Variants in COX7A2 observed in about 807,000 individuals in gnomAD.
The protein encoded by COX7A2 is cytochrome c oxidase subunit 7A2.
Under a neutral mutation model 11.6 loss-of-function variants are expected in COX7A2, and 11 were observed. The ratio of observed to expected loss-of-function variants is 0.95; its 90% CI spans 0.60 to 1.57. The LOEUF (loss-of-function observed/expected upper bound fraction) is 1.57. COX7A2 is among the 40% of genes most tolerant of loss of function. COX7A2 has a pLI of 0.00. For synonymous variants in COX7A2, 30 were observed against 38.2 expected, an observed-to-expected ratio of 0.78 and a Z score of 0.79; for missense variants, 106 against 100.9, an observed-to-expected ratio of 1.05 and a Z score of -0.22.
intron 3 of COX7A2, among the ~76,000 whole-genome samples, chr6:75,239,676 A>G (rs1234599239): frequency 6.6e-6 from 1 of 152,230 alleles, no homozygotes; most frequent in Non-Finnish European, 1.5e-5. Flanking sequence ...AATGTTTTAA[A>G]GCCCTTGCTG....
intron 1 of COX7A2, among the ~76,000 whole-genome samples, chr6:75,241,631 T>C (rs113077905): frequency 1.3e-5 from 2 of 152,184 alleles, no homozygotes; most frequent in African/African-American, 4.8e-5. Context: ...AACCCAAATA[T>C]TTTCATAATA....
At chr6:75,244,779 C>T (rs1192654887), upstream of COX7A2, among the ~76,000 whole-genome samples, 2 of 152,090 alleles carry the variant, frequency 1.3e-5, no homozygotes. Flanking sequence ...GGGTTTTCTT[C>T]TTCACAATCT....
chr6:75,239,169 A>C (rs1771412933), intron 3 of COX7A2, among the ~76,000 whole-genome samples: 1 of 152,200 alleles, frequency 6.6e-6, no homozygotes, highest in Non-Finnish European at 1.5e-5. Context: ...AGATTGTGGG[A>C]ACCCCAACTT....
At chr6:75,243,621 G>T (rs1771593770) in intron 1 of COX7A2, 96 bp downstream of exon 1, 1 of 1,193,862 alleles carries the variant, frequency 8.4e-7, no homozygotes, top group Non-Finnish European at 1.2e-6. Context: ...AGCCGCCTTC[G>T]GCACCCCTCC....
intron 1 of COX7A2, among the ~76,000 whole-genome samples, chr6:75,249,347 G>A (rs1037160607): frequency 2.6e-4 from 39 of 152,178 alleles, no homozygotes; most frequent in African/African-American, 7.0e-4. Context: ...GGAATCAAGC[G>A]TTGATGTGCT....
chr6:75,243,881 T>C, upstream of COX7A2: 1 of 1,548,642 alleles, frequency 6.5e-7, no homozygotes. Flanking sequence ...CTCCTAACCA[T>C]AGAGAGCAAA....
chr6:75,245,950 G>A (rs927784200), upstream of COX7A2, among the ~76,000 whole-genome samples: 20 of 152,018 alleles, frequency 1.3e-4, no homozygotes, highest in South Asian at 1.2e-3. Context: ...GTACTCCTTC[G>A]GTGGTTCTCC....
At position 75,237,975 on chromosome 6, in the gene COX7A2, G is replaced by A; in HGVS notation, c.207C>T (p.Ala69=). Residue 69 remains alanine (A), a synonymous_variant, in exon 4 of 4, where the codon GCC becomes GCT. Transcript: ENST00000684430. ...ATGAAGCCACAGCCAGCTCATATAT[G>A]GCATATGCTGTTCCTAAAAATAAAA... ...MILTVGGTAY[A]IYELAVASFP... 6.4e-7 allele frequency: 1 copy of A among 1,568,622 alleles called. No individual in the cohort carries two copies. Among genetic ancestry groups the A allele is most frequent in the Non-Finnish European group, 8.7e-7 (1 of 1,152,530 alleles).
chr6:75,248,978 C>A (rs1771738018), intron 1 of COX7A2, among the ~76,000 whole-genome samples: 1 of 152,184 alleles, frequency 6.6e-6, no homozygotes, highest in South Asian at 2.1e-4. Context: ...TTGGGCCGGG[C>A]ACGGATTATA....
intron 1 of COX7A2, among the ~76,000 whole-genome samples, chr6:75,243,470 C>G (rs1434282337): frequency 6.6e-6 from 1 of 152,116 alleles, no homozygotes; most frequent in Non-Finnish European, 1.5e-5. Context: ...GAACCCAAGA[C>G]GGGTCTAACC....
Position 75,237,961 on chromosome 6 carries a change from G to T in COX7A2, c.221C>A (p.Ala74Asp). Reference protein sequence around the residue: ...GGTAYAIYELAVASFPKKQE With the variant: ...GGTAYAIYELDVASFPKKQE ...CTGCTTCTTGGGAAATGAAGCCACA[G>T]CCAGCTCATATATGGCATATGCTGT... Residue 74 changes from alanine (A) to aspartate (D), a missense_variant, in exon 4 of 4, where the codon GCT (alanine) becomes GAT (aspartate). Coordinates refer to ENST00000684430, the MANE Select transcript of COX7A2 (RefSeq NM_001366293.2). 1 of 1,605,682 alleles carries T rather than the reference G, an allele frequency of 6.2e-7. No homozygotes were observed.
Position 75,241,250 on chromosome 6 carries a change from C to A in COX7A2, c.34G>T (p.Gly12Trp). The change falls in exon 2 of 4, where the codon GGG becomes TGG. Residue 12 changes from glycine to tryptophan, a missense_variant. Coordinates refer to ENST00000684430, the MANE Select transcript of COX7A2 (RefSeq NM_001366293.2). ...LRNLLALRQI[G>W]QRTISTASRR... is the part of the protein sequence containing the mutation. ...GAAGCAGTGCTTATCGTCCTCTGCCCAATCTGACGAAGAGCCTAAAATGAA... is the reference window on the plus strand; with the variant it reads ...GAAGCAGTGCTTATCGTCCTCTGCCAAATCTGACGAAGAGCCTAAAATGAA... The A allele has an allele frequency of 6.5e-7, 1 of 1,545,814 alleles. No individual in the cohort carries two copies. The highest frequency in any genetic ancestry group is 8.8e-7 in the Non-Finnish European group (1 of 1,133,316).
chr6:75,245,038 A>T (rs1318099709), upstream of COX7A2, among the ~76,000 whole-genome samples: 2 of 152,172 alleles, frequency 1.3e-5, no homozygotes, highest in African/African-American at 4.8e-5. Flanking sequence ...GTGCTCTCTT[A>T]TGTTTTCTCC....
chr6:75,240,607 G>A (rs540529815), intron 2 of COX7A2: 36 of 426,364 alleles, frequency 8.4e-5, no homozygotes, highest in African/African-American at 1.6e-4. Context: ...TTCTTTCACC[G>A]TTAATTTGAG....
At chr6:75,242,266 AG>A (rs1485749909) in intron 1 of COX7A2, among the ~76,000 whole-genome samples, 4 of 152,052 alleles carry the variant, frequency 2.6e-5, no homozygotes, top group African/African-American at 9.7e-5. Flanking sequence ...GTACTTTGGG[AG>A]GCCAAGGTGG....
At chr6:75,240,009 G>C (rs1431156136) in intron 3 of COX7A2, among the ~76,000 whole-genome samples, 4 of 152,080 alleles carry the variant, frequency 2.6e-5, no homozygotes, top group African/African-American at 9.7e-5. Flanking sequence ...GCTGAGGCAG[G>C]AGAATCGCTT....
At chr6:75,248,599 C>T (rs1263770255), upstream of COX7A2, among the ~76,000 whole-genome samples, 4 of 152,212 alleles carry the variant, frequency 2.6e-5, no homozygotes, top group African/African-American at 7.2e-5. Flanking sequence ...TAAAACCAAG[C>T]TGTATCCCAA....
At chr6:75,244,293 G>C (rs1041355317), upstream of COX7A2, among the ~76,000 whole-genome samples, 2 of 152,184 alleles carry the variant, frequency 1.3e-5, no homozygotes, top group Non-Finnish European at 2.9e-5. Flanking sequence ...AGAATATGCT[G>C]TAAGAGCTGT....
upstream of COX7A2, among the ~76,000 whole-genome samples, chr6:75,244,620 C>G (rs975315198): frequency 6.6e-6 from 1 of 152,192 alleles, no homozygotes; most frequent in Non-Finnish European, 1.5e-5. Context: ...CAAGTATGTA[C>G]AAATGCAAAT....
Sources: gnomAD v4.1 joint callset for allele counts (sites outside exome capture counted in the v4.1 genomes callset) on GRCh38, gnomAD v4.1.1 for gene constraint, MANE v1.5 for transcripts, NCBI Gene and HGNC (gene_info 2026-07-23, HGNC 2026-07-21) for gene names.